Variants in DCAF8L2 observed in about 807,000 individuals in gnomAD.
The protein encoded by DCAF8L2 is DDB1- and CUL4-associated factor 8-like protein 2.
For missense variants in DCAF8L2, 430 were observed against 490.7 expected (o/e 0.88, Z 1.17); for synonymous variants, 200 against 190.9 (o/e 1.05, Z -0.39).
At position 27,610,835 on chromosome X, in the gene DCAF8L2, A is replaced by G. The variant is rs138501884; in HGVS notation, c.-342+20395A>G. Among the ~76,000 whole-genome samples, 25 of 112,747 alleles carry G rather than the reference A, an allele frequency of 2.2e-4. No individual in the cohort carries two copies. The East Asian group carries it at 5.6e-3, about 25-fold the overall frequency. ...TAACTGTAGACTATGGCACACTTCA[A>G]CAAGTACTAACCGTGATTGCAGGTG... On this transcript the variant is annotated intron_variant, in intron 1 of 4. Transcript: ENST00000451261.
chrX:27,734,095 A>T (rs1412740948), intron 4 of DCAF8L2, among the ~76,000 whole-genome samples: 1 of 111,583 alleles, frequency 9.0e-6, no homozygotes, highest in African/African-American at 3.3e-5. Flanking sequence ...CAAGGGGGAA[A>T]ACTGAAAGCT....
chrX:27,527,977 A>ATTTAATTTAATTAATTATTAAATTAAAAT, the DCAF8L2 span, among the ~76,000 whole-genome samples: 1 of 53,930 alleles, frequency 1.9e-5, no homozygotes, highest in African/African-American at 5.8e-5. Context: ...TTAAATTCCA[A>ATTTAATTTAATTAATTATTAAATTAAAAT]TTTAATTTAA....
intron 3 of DCAF8L2, among the ~76,000 whole-genome samples, chrX:27,693,428 G>C (rs1930781120): frequency 9.0e-6 from 1 of 110,920 alleles, no homozygotes; most frequent in Non-Finnish European, 1.9e-5. Context: ...AATGATTCAG[G>C]TTTTCTCACC....
the DCAF8L2 span, among the ~76,000 whole-genome samples, chrX:27,539,666 G>A: frequency 9.0e-6 from 1 of 111,202 alleles, no homozygotes; most frequent in Non-Finnish European, 1.9e-5. Context: ...CTGTGTGTAT[G>A]CACACAGACA....
At chrX:27,528,501 TAC>T in the DCAF8L2 span, among the ~76,000 whole-genome samples, 64 of 100,232 alleles carry the variant, frequency 6.4e-4, no homozygotes, top group Middle Eastern at 0.011. Context: ...TATATATATA[TAC>T]ACACACACAC....
chrX:27,622,254 C>G (rs1317800392), intron 1 of DCAF8L2, among the ~76,000 whole-genome samples: 1 of 104,137 alleles, frequency 9.6e-6, no homozygotes, highest in African/African-American at 3.9e-5. Context: ...GAAACCCCGT[C>G]TCTACTAAAA....
At chrX:27,579,078 A>G in the DCAF8L2 span, among the ~76,000 whole-genome samples, 1 of 111,843 alleles carries the variant, frequency 8.9e-6, no homozygotes, top group African/African-American at 3.3e-5. Context: ...AAAGAATACA[A>G]ATCATTCTAT....
chrX:27,554,178 T>G, the DCAF8L2 span, among the ~76,000 whole-genome samples: 1 of 111,943 alleles, frequency 8.9e-6, no homozygotes, highest in African/African-American at 3.2e-5. Flanking sequence ...AGAAAATGTT[T>G]GTTGACCCTT....
chrX:27,475,856 G>A, the DCAF8L2 span, among the ~76,000 whole-genome samples: 4 of 111,662 alleles, frequency 3.6e-5, no homozygotes, highest in Non-Finnish European at 5.6e-5. Context: ...CAAGGATCCA[G>A]TGAGTATTTG....
chrX:27,512,879 A>G, the DCAF8L2 span, among the ~76,000 whole-genome samples: 457 of 107,444 alleles, frequency 4.3e-3, 3 homozygotes, highest in Non-Finnish European at 7.2e-3. Context: ...ACAGATCAGT[A>G]CTGGCATAAA....
the DCAF8L2 span, among the ~76,000 whole-genome samples, chrX:27,565,958 C>T: frequency 9.0e-6 from 1 of 110,908 alleles, no homozygotes; most frequent in Admixed American, 9.6e-5. Flanking sequence ...CACCCCATCC[C>T]TCTAGTGTGC....
At chrX:27,696,228 AGAAT>A (rs1206116614) in intron 3 of DCAF8L2, among the ~76,000 whole-genome samples, 1 of 103,660 alleles carries the variant, frequency 9.6e-6, no homozygotes, top group Non-Finnish European at 2.0e-5. Context: ...AAAGAAAGAA[AGAAT>A]GAAAGAAAGA....
chrX:27,723,686 C>T (rs772241743), intron 4 of DCAF8L2, among the ~76,000 whole-genome samples: 3 of 111,010 alleles, frequency 2.7e-5, no homozygotes, highest in Admixed American at 9.6e-5. Flanking sequence ...AAATGCAATT[C>T]CCCTTTGACC....
the DCAF8L2 span, chrX:27,519,600 C>T: frequency 0.091 from 59,730 of 655,113 alleles, 2,183 homozygotes; most frequent in Non-Finnish European, 0.1. Flanking sequence ...CGACAGAAAA[C>T]GAACATGATG....
At chrX:27,530,375 T>A in the DCAF8L2 span, among the ~76,000 whole-genome samples, 1 of 110,888 alleles carries the variant, frequency 9.0e-6, no homozygotes, top group Admixed American at 9.7e-5. Context: ...ATTCTTCTGT[T>A]TTCTATACAG....
chrX:27,547,044 G>A, the DCAF8L2 span, among the ~76,000 whole-genome samples: 2 of 111,935 alleles, frequency 1.8e-5, no homozygotes, highest in Non-Finnish European at 3.8e-5. Context: ...AAACTTTTAT[G>A]CTGTGCTTCC....
Position 27,747,950 on chromosome X carries a change from G to C in DCAF8L2, c.1055G>C (p.Arg352Pro), listed in dbSNP as rs761253838. 2 of 1,211,639 alleles carry C rather than the reference G, an allele frequency of 1.7e-6. No individual in the cohort carries two copies. Among genetic ancestry groups the C allele is most frequent in the Admixed American group, 4.3e-5 (2 of 46,032 alleles). ...TTCACCATTGACCTCAGACAAGACC[G>C]GCCAGCTTCAAAAGTTGTGGTAACA... ...VVFTIDLRQDRPASKVVVTRE... is the reference protein window; with the variant it reads ...VVFTIDLRQDPPASKVVVTRE... Residue 352 changes from arginine (R) to proline (P), a missense_variant, in exon 5 of 5, where the codon CGG becomes CCG. Arg to Pro is a moderately radical substitution (Grantham distance 103). Transcript: ENST00000451261.
At chrX:27,672,531 A>T (rs1163785744) in intron 2 of DCAF8L2, among the ~76,000 whole-genome samples, 3 of 112,040 alleles carry the variant, frequency 2.7e-5, no homozygotes. Flanking sequence ...TTTCACAGCC[A>T]CTGCCTCTTT....
intron 2 of DCAF8L2, among the ~76,000 whole-genome samples, chrX:27,654,340 T>A (rs780268899): frequency 1.9e-3 from 211 of 112,173 alleles, no homozygotes; most frequent in African/African-American, 6.6e-3. Context: ...GAACATAACC[T>A]AACATGAACT....
Sources: gnomAD v4.1 joint callset for allele counts (sites outside exome capture counted in the v4.1 genomes callset) on GRCh38, gnomAD v4.1.1 for gene constraint, MANE v1.5 for transcripts, NCBI Gene and HGNC (gene_info 2026-07-23, HGNC 2026-07-21) for gene names.